RAD51B: variants seen among roughly 807,000 people sequenced by gnomAD.
RAD51B encodes the protein RAD51 paralog B, also known as DNA repair protein RAD51 homolog 2.
A neutral mutation model predicts 42.2 loss-of-function variants in RAD51B; 38 were observed. That is an observed-to-expected ratio of 0.90 (90% CI 0.70 to 1.18). The LOEUF (loss-of-function observed/expected upper bound fraction) is 1.18, where lower values mean the gene tolerates loss of function less well. Among genes scored for constraint, RAD51B ranks in the 50% most tolerant of loss-of-function variants. The pLI is 0.00. For missense variants in RAD51B, 373 were observed against 400.7 expected, an observed-to-expected ratio of 0.93 and a Z score of 0.59; for synonymous variants, 154 against 145.2, an observed-to-expected ratio of 1.06 and a Z score of -0.43.
At chr14:67,983,574 G>A (rs1057315458) in intron 7 of RAD51B, among the ~76,000 whole-genome samples, 5 of 152,086 alleles carry the variant, frequency 3.3e-5, no homozygotes, top group African/African-American at 1.2e-4. Context: ...TTAGGAAATA[G>A]CAGACACTAG....
At chr14:67,940,965 T>G (rs1042524006) in intron 7 of RAD51B, among the ~76,000 whole-genome samples, 3 of 152,164 alleles carry the variant, frequency 2.0e-5, no homozygotes, top group African/African-American at 7.2e-5. Context: ...CAGGCCTGGC[T>G]TATGAACCGT....
intron 9 of RAD51B, among the ~76,000 whole-genome samples, chr14:68,461,789 A>G (rs17105675): frequency 0.21 from 31,999 of 152,174 alleles, 3,551 homozygotes; most frequent in Non-Finnish European, 0.23. Context: ...AGAGCAAAAT[A>G]GAAACCTGGG....
chr14:68,622,378 C>G (rs926979373), intron 10 of RAD51B, among the ~76,000 whole-genome samples: 2 of 152,160 alleles, frequency 1.3e-5, no homozygotes, highest in Non-Finnish European at 2.9e-5. Flanking sequence ...CAGGCATGGT[C>G]TCTCTCCTCC....
chr14:68,674,160 T>C (rs967688007), intron 11 of RAD51B, among the ~76,000 whole-genome samples: 12 of 143,440 alleles, frequency 8.4e-5, no homozygotes, highest in African/African-American at 3.3e-4. Context: ...TACACACATA[T>C]ATACACACAT....
At chr14:68,615,046 T>G (rs1161009438), downstream of RAD51B, among the ~76,000 whole-genome samples, 2 of 152,140 alleles carry the variant, frequency 1.3e-5, no homozygotes, top group East Asian at 1.9e-4. Flanking sequence ...CTAATTTTTG[T>G]ATTTTTGGTA....
intron 5 of RAD51B, among the ~76,000 whole-genome samples, chr14:67,868,317 G>A (rs2042394909): frequency 6.6e-6 from 1 of 152,230 alleles, no homozygotes; most frequent in African/African-American, 2.4e-5. Context: ...TCAAAGAAAG[G>A]GGTGACAGAC....
chr14:68,605,540 C>G (rs982612739), intron 10 of RAD51B, among the ~76,000 whole-genome samples: 1 of 152,240 alleles, frequency 6.6e-6, no homozygotes, highest in Non-Finnish European at 1.5e-5. Flanking sequence ...TGGAGAGGAA[C>G]TTTTACTTTC....
intron 3 of RAD51B, among the ~76,000 whole-genome samples, chr14:67,830,040 G>C (rs1724888547): frequency 6.6e-6 from 1 of 152,128 alleles, no homozygotes; most frequent in Non-Finnish European, 1.5e-5. Flanking sequence ...TTGGGCGTTG[G>C]GTATAACAGA....
intron 5 of RAD51B, among the ~76,000 whole-genome samples, chr14:67,879,789 G>T (rs1343718129): frequency 2.6e-5 from 4 of 152,092 alleles, no homozygotes; most frequent in Non-Finnish European, 5.9e-5. Flanking sequence ...GAGATATGAA[G>T]ATCTGGCCTT....
intron 10 of RAD51B, among the ~76,000 whole-genome samples, chr14:68,486,013 A>G (rs1395808172): frequency 1.3e-5 from 2 of 152,208 alleles, no homozygotes; most frequent in South Asian, 2.1e-4. Flanking sequence ...ATTAGATACT[A>G]TTACTTTTGT....
chr14:68,039,422 A>G (rs2076183833), intron 7 of RAD51B, among the ~76,000 whole-genome samples: 1 of 135,286 alleles, frequency 7.4e-6, no homozygotes, highest in Non-Finnish European at 1.5e-5. Context: ...GCGAGACTTC[A>G]TTCCAAAAAA....
At chr14:67,986,683 G>A (rs2075199456) in intron 7 of RAD51B, among the ~76,000 whole-genome samples, 1 of 152,170 alleles carries the variant, frequency 6.6e-6, no homozygotes, top group Admixed American at 6.5e-5. Flanking sequence ...TATCAAATAA[G>A]CATAGTTGTA....
intron 7 of RAD51B, among the ~76,000 whole-genome samples, chr14:68,103,535 C>A (rs2077326152): frequency 1.3e-5 from 2 of 152,170 alleles, no homozygotes; most frequent in African/African-American, 4.8e-5. Flanking sequence ...AATTATTACT[C>A]TTACGAATAT....
intron 8 of RAD51B, among the ~76,000 whole-genome samples, chr14:68,328,081 C>T (rs929637524): frequency 2.0e-5 from 3 of 152,110 alleles, no homozygotes; most frequent in African/African-American, 7.3e-5. Context: ...CCTCAGGTAC[C>T]TTTATGCAGC....
At chr14:68,300,222 T>TTCTTCC (rs1186749070) in intron 8 of RAD51B, among the ~76,000 whole-genome samples, 1 of 152,082 alleles carries the variant, frequency 6.6e-6, no homozygotes, top group Non-Finnish European at 1.5e-5. Flanking sequence ...CATCTTCTCC[T>TTCTTCC]TCTTCCATTT....
chr14:67,853,618 C>G (rs2041893463), intron 4 of RAD51B, among the ~76,000 whole-genome samples: 1 of 152,168 alleles, frequency 6.6e-6, no homozygotes, highest in South Asian at 2.1e-4. Flanking sequence ...GTTAAAAGGT[C>G]AAGCCTAGTG....
In RAD51B at chr14:68,565,842, C is replaced by G. The variant is rs1251493426; in HGVS notation, c.1037-28643C>G. Among the ~76,000 whole-genome samples, 1 of 152,220 alleles carries G rather than the reference C, an allele frequency of 6.6e-6. No individual in the cohort carries two copies. The highest frequency in any genetic ancestry group is 1.5e-5 in the Non-Finnish European group (1 of 68,034). ...ATGGTGTCTCACTCCATCCAGTTCT[C>G]CCAGTGCAACTGGGGAGGGTATCTG... is the stretch of plus-strand genomic sequence containing the variant. On this transcript the variant is annotated intron_variant, in intron 10 of 10. Transcript: ENST00000487270. This position sits in a 1 kb window ranked among gnomAD's most constrained non-coding sequence, Gnocchi z 4.1.
intron 10 of RAD51B, among the ~76,000 whole-genome samples, chr14:68,649,465 C>T (rs1892654406): frequency 6.6e-6 from 1 of 152,340 alleles, no homozygotes; most frequent in East Asian, 1.9e-4. Flanking sequence ...GATCAGCGCA[C>T]AGATGGACAT....
chr14:68,147,724 C>A (rs2588827), intron 7 of RAD51B, among the ~76,000 whole-genome samples: 1 of 151,556 alleles, frequency 6.6e-6, no homozygotes, highest in South Asian at 2.1e-4. Flanking sequence ...ACAACTCTTA[C>A]GGAAGGAGAT....
Sources: gnomAD v4.1 joint callset for allele counts (sites outside exome capture counted in the v4.1 genomes callset) on GRCh38, gnomAD v4.1.1 for gene constraint, Gnocchi (gnomAD v3.1) non-coding constraint, MANE v1.5 for transcripts, NCBI Gene and HGNC (gene_info 2026-07-23, HGNC 2026-07-21) for gene names.